The following ASTN2 variants were observed in gnomAD, a reference collection of about 807,000 sequenced individuals.
ASTN2 encodes astrotactin 2.
ASTN2 carries 54 observed loss-of-function variants against 139.8 expected under a neutral mutation model. The observed-to-expected ratio is 0.39, with a 90% confidence interval of 0.31 to 0.48. ASTN2 has a LOEUF of 0.48. Ranked by LOEUF, ASTN2 falls within the 20% of genes least tolerant of loss-of-function variation. The pLI is 0.95. For missense variants in ASTN2, 1,565 were observed against 1,725.1 expected (o/e 0.91, Z 1.64); for synonymous variants, 756 against 719.5 (o/e 1.05, Z -0.81).
At chr9:116,979,275 C>G (rs1192866049) in intron 7 of ASTN2, among the ~76,000 whole-genome samples, 1 of 151,958 alleles carries the variant, frequency 6.6e-6, no homozygotes, top group African/African-American at 2.4e-5. Context: ...TTGAAAGATA[C>G]AAGGAGAGAC....
At chr9:116,710,241 T>C (rs1828111668) in intron 16 of ASTN2, among the ~76,000 whole-genome samples, 1 of 152,090 alleles carries the variant, frequency 6.6e-6, no homozygotes, top group Admixed American at 6.5e-5. Context: ...TGGACCTGTT[T>C]GGAAGCTCCC....
chr9:116,592,529 T>C (rs1854419219), intron 19 of ASTN2, among the ~76,000 whole-genome samples: 1 of 152,182 alleles, frequency 6.6e-6, no homozygotes, highest in African/African-American at 2.4e-5. Flanking sequence ...ACATGAGATT[T>C]GGGTGAGGAC....
At chr9:117,059,789 T>C (rs1489379100) in intron 5 of ASTN2, among the ~76,000 whole-genome samples, 1 of 152,180 alleles carries the variant, frequency 6.6e-6, no homozygotes, top group Admixed American at 6.5e-5. Flanking sequence ...TGTTTACTTA[T>C]TCTCTAATCA....
intron 13 of ASTN2, among the ~76,000 whole-genome samples, chr9:116,790,808 G>A (rs960623081): frequency 6.6e-6 from 1 of 151,086 alleles, no homozygotes; most frequent in Non-Finnish European, 1.5e-5. Context: ...CCGAGTAGCT[G>A]GGATTACAGG....
intron 1 of ASTN2, among the ~76,000 whole-genome samples, chr9:117,317,261 CA>C (rs769741045): frequency 1.3e-5 from 2 of 152,154 alleles, no homozygotes; most frequent in Non-Finnish European, 1.5e-5. Flanking sequence ...TTCAGAGCCT[CA>C]GGAAGCCTCC....
At chr9:116,879,804 C>T (rs774888469) in intron 10 of ASTN2, among the ~76,000 whole-genome samples, 1 of 152,140 alleles carries the variant, frequency 6.6e-6, no homozygotes, top group Non-Finnish European at 1.5e-5. Context: ...TGCTTTTCAC[C>T]AATCCTAAAA....
At chr9:116,515,955 C>A (rs10983208) in intron 19 of ASTN2, among the ~76,000 whole-genome samples, 1 of 152,004 alleles carries the variant, frequency 6.6e-6, no homozygotes, top group Non-Finnish European at 1.5e-5. Flanking sequence ...TTCATTAGAC[C>A]TATGGTGGGG....
At chr9:116,565,767 GC>G (rs1376683369) in intron 19 of ASTN2, among the ~76,000 whole-genome samples, 1 of 152,036 alleles carries the variant, frequency 6.6e-6, no homozygotes, top group Non-Finnish European at 1.5e-5. Flanking sequence ...ACAGGCATGA[GC>G]CACCACACTC....
At chr9:116,980,236 TAAG>T (rs1836471908) in intron 7 of ASTN2, among the ~76,000 whole-genome samples, 1 of 152,088 alleles carries the variant, frequency 6.6e-6, no homozygotes, top group African/African-American at 2.4e-5. Context: ...AGAGCTGATG[TAAG>T]AAGTAATTGA....
intron 16 of ASTN2, among the ~76,000 whole-genome samples, chr9:116,658,947 C>T (rs1384471013): frequency 6.6e-6 from 1 of 151,950 alleles, no homozygotes; most frequent in Non-Finnish European, 1.5e-5. Context: ...TGTAAAATAT[C>T]GATGGTGCTG....
At chr9:116,861,537 A>C (rs899526514) in intron 11 of ASTN2, among the ~76,000 whole-genome samples, 44 of 152,304 alleles carry the variant, frequency 2.9e-4, no homozygotes, top group African/African-American at 9.9e-4. Flanking sequence ...GGTCTGAGGC[A>C]GACAGCTGTT....
At chr9:116,482,257 TGGA>T (rs929093151) in intron 20 of ASTN2, among the ~76,000 whole-genome samples, 1 of 151,386 alleles carries the variant, frequency 6.6e-6, no homozygotes, top group Non-Finnish European at 1.5e-5. Flanking sequence ...ACCCGGGAGG[TGGA>T]GCTTGCAGTG....
At chr9:117,045,257 CAAAAA>C (rs56993648) in intron 5 of ASTN2, among the ~76,000 whole-genome samples, 6 of 131,642 alleles carry the variant, frequency 4.6e-5, no homozygotes, top group Non-Finnish European at 6.4e-5. Flanking sequence ...ATGTAATTAG[CAAAAA>C]AAAAAAAAAA....
At chr9:117,342,301 C>T (rs899516392) in intron 1 of ASTN2, among the ~76,000 whole-genome samples, 70 of 152,242 alleles carry the variant, frequency 4.6e-4, no homozygotes, top group African/African-American at 1.1e-3. Flanking sequence ...TGTTGGCATG[C>T]CACTTAGCCT....
intron 13 of ASTN2, among the ~76,000 whole-genome samples, chr9:116,747,129 C>G (rs1025525032): frequency 6.6e-6 from 1 of 152,296 alleles, no homozygotes; most frequent in South Asian, 2.1e-4. Flanking sequence ...ATCTATTCAT[C>G]GTTTACGACG....
intron 13 of ASTN2, among the ~76,000 whole-genome samples, chr9:116,766,141 A>G (rs1055671368): frequency 1.3e-5 from 2 of 152,122 alleles, no homozygotes; most frequent in African/African-American, 2.4e-5. Context: ...AGATCCCGGG[A>G]TAGGGCAGAC....
chr9:116,692,627 A>G (rs1672658448), intron 16 of ASTN2, among the ~76,000 whole-genome samples: 1 of 152,150 alleles, frequency 6.6e-6, no homozygotes, highest in African/African-American at 2.4e-5. Flanking sequence ...GGAAAGCCTG[A>G]TCCCTCAGGC....
At chr9:116,455,336 G>C (rs1410596041) in intron 20 of ASTN2, among the ~76,000 whole-genome samples, 1 of 135,726 alleles carries the variant, frequency 7.4e-6, no homozygotes, top group Non-Finnish European at 1.6e-5. Context: ...GTGACAGAGT[G>C]CGATTCTGTC....
intron 19 of ASTN2, among the ~76,000 whole-genome samples, chr9:116,533,303 C>A (rs1244700466): frequency 6.6e-6 from 1 of 152,148 alleles, no homozygotes; most frequent in Non-Finnish European, 1.5e-5. Context: ...ATGTCATCTG[C>A]AAACAGGGAC....
Sources: gnomAD v4.1 joint callset for allele counts (sites outside exome capture counted in the v4.1 genomes callset) on GRCh38, gnomAD v4.1.1 for gene constraint, MANE v1.5 for transcripts, NCBI Gene and HGNC (gene_info 2026-07-23, HGNC 2026-07-21) for gene names.